LAMB4: variants seen among roughly 807,000 people sequenced by gnomAD.
LAMB4 encodes laminin subunit beta 4, also known as laminin subunit beta-4.
In LAMB4, 196 loss-of-function variants were observed where a neutral mutation model predicts 199.2. The ratio of observed to expected loss-of-function variants is 0.98; its 90% CI spans 0.88 to 1.11. The LOEUF (loss-of-function observed/expected upper bound fraction) is 1.11, where lower values mean the gene tolerates loss of function less well. Ranked by LOEUF, LAMB4 falls within the 50% of genes least tolerant of loss-of-function variation. The pLI, the probability that LAMB4 is intolerant of heterozygous loss-of-function variation, is 0.00. For synonymous variants in LAMB4, 744 were observed against 770.6 expected (o/e 0.97, Z 0.57); for missense variants, 2,080 against 2,171.2 (o/e 0.96, Z 0.83).
In LAMB4 at chr7:108,063,788, C is replaced by T. The variant is rs1321789537; in HGVS notation, c.3034G>A (p.Gly1012Arg). 6.2e-7 allele frequency: 1 copy of T among 1,614,166 alleles called. No individual in the cohort carries two copies. The highest frequency in any genetic ancestry group is 1.7e-5 in the Admixed American group (1 of 60,018). ...NCQLCKPGHY[G>R]SALNQTCRRC... ...CTGCAGGTCTGATTGAGGGCTGATCCATAGTGACCTGGTTTGCAGAGCTGG... is the reference window on the plus strand; with the variant it reads ...CTGCAGGTCTGATTGAGGGCTGATCTATAGTGACCTGGTTTGCAGAGCTGG... The change falls in exon 22 of 34, where the codon GGA becomes AGA. Residue 1012 changes from glycine (G) to arginine (R), a missense_variant. Physicochemically the swap from Gly to Arg is moderately radical, Grantham distance 125 (BLOSUM62 -2). Transcript: ENST00000388781.
chr7:108,103,508 G>A (rs1388779855), intron 9 of LAMB4, among the ~76,000 whole-genome samples: 1 of 152,156 alleles, frequency 6.6e-6, no homozygotes, highest in South Asian at 2.1e-4. Flanking sequence ...AAATCATTTC[G>A]GTGATCTAAA....
chr7:108,052,140 T>C lies in LAMB4; in HGVS notation c.3873A>G (p.Glu1291=). 6.2e-7 allele frequency: 1 copy of C among 1,612,280 alleles called. No homozygotes were observed. The highest frequency in any genetic ancestry group is 2.2e-5 in the East Asian group (1 of 44,854). The stretch of plus-strand genomic sequence containing the variant: ...GGACACTGGATTGCAAATCAATTTC[T>C]TCCTGAAGGTCTTCAAGTAAGAGGT... ...EADLLLEDLQ[E]EIDLQSSVLN... Residue 1291 remains glutamate (E), a synonymous_variant, in exon 26 of 34, where the codon GAA becomes GAG. Transcript: ENST00000388781.
At chr7:108,067,986 G>A in intron 19 of LAMB4, 30 bp downstream of exon 19, 1 of 1,613,946 alleles carries the variant, frequency 6.2e-7, no homozygotes, top group Non-Finnish European at 8.5e-7. Flanking sequence ...CTGTGAGCAA[G>A]TGTTTCCCCT....
intron 2 of LAMB4, among the ~76,000 whole-genome samples, chr7:108,117,619 A>C (rs2038452913): frequency 6.6e-6 from 1 of 152,200 alleles, no homozygotes; most frequent in South Asian, 2.1e-4. Context: ...ACAAGAAAGA[A>C]TTCAGGGCGA....
chr7:108,095,585 A>C (rs1324263877), intron 11 of LAMB4, among the ~76,000 whole-genome samples: 1 of 152,206 alleles, frequency 6.6e-6, no homozygotes, highest in Non-Finnish European at 1.5e-5. Context: ...GGAGACAAGT[A>C]GGTGTAGCTA....
chr7:108,059,199 G>A (rs937357023), intron 23 of LAMB4, among the ~76,000 whole-genome samples: 4 of 142,580 alleles, frequency 2.8e-5, no homozygotes, highest in East Asian at 4.4e-4. Flanking sequence ...TCCACCTCCC[G>A]GGTTCACACC....
At chr7:108,127,819 C>T (rs1031862940) in intron 1 of LAMB4, among the ~76,000 whole-genome samples, 3 of 152,130 alleles carry the variant, frequency 2.0e-5, no homozygotes, top group Admixed American at 2.0e-4. Context: ...TGCAGGCTGT[C>T]GTGTTGGGGT....
intron 33 of LAMB4, 56 bp from the exon 34 acceptor site, chr7:108,024,234 AT>A: frequency 9.4e-7 from 1 of 1,062,232 alleles, no homozygotes; most frequent in Non-Finnish European, 1.3e-6. Flanking sequence ...TTCCTGCTGG[AT>A]ACCTACATTA....
intron 30 of LAMB4, among the ~76,000 whole-genome samples, chr7:108,035,044 T>C (rs1452411085): frequency 4.6e-5 from 7 of 152,088 alleles, no homozygotes; most frequent in Admixed American, 3.9e-4. Context: ...AATTGCAAAA[T>C]ATTCCCTTTA....
At chr7:108,089,770 C>T (rs1366199803) in intron 14 of LAMB4, among the ~76,000 whole-genome samples, 1 of 152,224 alleles carries the variant, frequency 6.6e-6, no homozygotes, top group African/African-American at 2.4e-5. Context: ...CCAAACTATC[C>T]TTCTACCTCA....
chr7:108,088,754 A>G (rs1212462839), intron 14 of LAMB4, among the ~76,000 whole-genome samples: 2 of 152,100 alleles, frequency 1.3e-5, no homozygotes, highest in Admixed American at 6.6e-5. Flanking sequence ...AATGGGCTTC[A>G]CTTCTGTTAG....
intron 18 of LAMB4, 69 bp from the exon 19 acceptor site, chr7:108,068,228 G>A: frequency 2.6e-6 from 4 of 1,522,670 alleles, no homozygotes; most frequent in Non-Finnish European, 3.6e-6. Flanking sequence ...CTTGTTAGTA[G>A]CTATAGTTCA....
intron 26 of LAMB4, 129 bp from the exon 27 acceptor site, chr7:108,049,660 A>G (rs897745693): frequency 5.4e-6 from 3 of 550,986 alleles, no homozygotes; most frequent in African/African-American, 3.9e-5. Flanking sequence ...AAATTTCAAC[A>G]TCTTCCTTGA....
intron 17 of LAMB4, among the ~76,000 whole-genome samples, chr7:108,074,194 G>A (rs1475948730): frequency 1.3e-5 from 2 of 152,024 alleles, no homozygotes; most frequent in African/African-American, 4.8e-5. Flanking sequence ...CTGAGTCCCT[G>A]TCTCAGCTTT....
intron 33 of LAMB4, among the ~76,000 whole-genome samples, chr7:108,025,444 T>TCTTTC (rs1563024896): frequency 8.4e-6 from 1 of 118,562 alleles, no homozygotes; most frequent in African/African-American, 6.7e-5. Flanking sequence ...TTTTTTTTTT[T>TCTTTC]TGAGACAGAG....
At chr7:108,031,069 T>G in intron 31 of LAMB4, 90 bp from the exon 32 acceptor site, 1 of 1,099,498 alleles carries the variant, frequency 9.1e-7, no homozygotes, top group Non-Finnish European at 1.3e-6. Context: ...AAAAATATGC[T>G]GGGTGTAAAG....
chr7:108,099,576 T>C (rs1213893329), intron 10 of LAMB4, among the ~76,000 whole-genome samples: 1 of 152,196 alleles, frequency 6.6e-6, no homozygotes, highest in African/African-American at 2.4e-5. Context: ...TGTTGGGCAT[T>C]AGATGACCAC....
chr7:108,030,235 T>C (rs1162246004), intron 32 of LAMB4, among the ~76,000 whole-genome samples: 1 of 152,174 alleles, frequency 6.6e-6, no homozygotes, highest in Non-Finnish European at 1.5e-5. Context: ...ATAGACCAAA[T>C]GTAAATACAC....
chr7:108,087,453 A>C (rs1384977014), intron 14 of LAMB4, among the ~76,000 whole-genome samples: 1 of 152,268 alleles, frequency 6.6e-6, no homozygotes, highest in Non-Finnish European at 1.5e-5. Context: ...AAAAAATCTC[A>C]GTAAAGCTAA....
Sources: gnomAD v4.1 joint callset for allele counts (sites outside exome capture counted in the v4.1 genomes callset) on GRCh38, gnomAD v4.1.1 for gene constraint, MANE v1.5 for transcripts, NCBI Gene and HGNC (gene_info 2026-07-23, HGNC 2026-07-21) for gene names.